The following TRAPPC9 variants were observed in gnomAD, a reference collection of about 807,000 sequenced individuals.
TRAPPC9 encodes the protein IKK2 binding protein.
Under a neutral mutation model 124.0 loss-of-function variants are expected in TRAPPC9, and 83 were observed. The ratio of observed to expected loss-of-function variants is 0.67; its 90% CI spans 0.56 to 0.80. The LOEUF (loss-of-function observed/expected upper bound fraction) is 0.80, where lower values mean the gene tolerates loss of function less well. Among genes scored for constraint, TRAPPC9 ranks in the 30% least tolerant of loss-of-function variants. The pLI is 0.00. For missense variants in TRAPPC9, 1,302 were observed against 1,508.3 expected (o/e 0.86, Z 2.27); for synonymous variants, 638 against 617.5 (o/e 1.03, Z -0.49).
chr8:140,165,526 G>A (rs1165104578), intron 17 of TRAPPC9, among the ~76,000 whole-genome samples: 2 of 146,698 alleles, frequency 1.4e-5, no homozygotes, highest in East Asian at 4.1e-4. Flanking sequence ...GTGACAGAAT[G>A]AGTGTCTGTC....
At chr8:140,115,885 G>A (rs750206588) in intron 17 of TRAPPC9, among the ~76,000 whole-genome samples, 3 of 152,194 alleles carry the variant, frequency 2.0e-5, no homozygotes, top group Non-Finnish European at 2.9e-5. Context: ...GGTGTGATGA[G>A]CGAATGTGAC....
intron 10 of TRAPPC9, among the ~76,000 whole-genome samples, chr8:140,300,864 G>A (rs2065957291): frequency 6.6e-6 from 1 of 152,224 alleles, no homozygotes; most frequent in Admixed American, 6.5e-5. Flanking sequence ...GGGGACTCCT[G>A]AACTGGGCCC....
chr8:140,152,490 A>C (rs1227411220), intron 17 of TRAPPC9, among the ~76,000 whole-genome samples: 1 of 150,436 alleles, frequency 6.6e-6, no homozygotes, highest in East Asian at 1.9e-4. Flanking sequence ...CCTCCCAAGT[A>C]GATGGGACTA....
intron 21 of TRAPPC9, among the ~76,000 whole-genome samples, chr8:139,803,918 C>T (rs955700775): frequency 6.6e-6 from 1 of 152,068 alleles, no homozygotes; most frequent in Non-Finnish European, 1.5e-5. Context: ...GAACTTTCAA[C>T]GGAGTTTACC....
intron 19 of TRAPPC9, among the ~76,000 whole-genome samples, chr8:139,968,172 CAAAATAAAAAAACAA>C (rs1835832042): frequency 6.6e-6 from 1 of 151,316 alleles, no homozygotes; most frequent in African/African-American, 2.4e-5. Flanking sequence ...AAAAACAAAA[CAAAATAAAAAAACAA>C]AAAATAAAAA....
At chr8:140,054,765 C>G (rs763416353) in intron 17 of TRAPPC9, among the ~76,000 whole-genome samples, 12 of 151,764 alleles carry the variant, frequency 7.9e-5, no homozygotes, top group African/African-American at 1.4e-4. Flanking sequence ...GACTATGAAC[C>G]ATTACACAAC....
At chr8:140,243,064 C>G (rs1260455045) in intron 16 of TRAPPC9, among the ~76,000 whole-genome samples, 1 of 152,160 alleles carries the variant, frequency 6.6e-6, no homozygotes, top group Non-Finnish European at 1.5e-5. Flanking sequence ...GCAGAACCCC[C>G]CAGAGAATGG....
At chr8:140,402,695 C>CAAAA (rs879634035) in intron 6 of TRAPPC9, among the ~76,000 whole-genome samples, 2 of 122,392 alleles carry the variant, frequency 1.6e-5, no homozygotes, top group Non-Finnish European at 1.7e-5. Context: ...AACCCTGTCT[C>CAAAA]AAAAAAAAAA....
At chr8:140,298,692 A>C (rs971201343) in intron 11 of TRAPPC9, among the ~76,000 whole-genome samples, 4 of 152,104 alleles carry the variant, frequency 2.6e-5, no homozygotes, top group Non-Finnish European at 5.9e-5. Flanking sequence ...TAATGCTCTT[A>C]TTGTCCCTTC....
At position 139,988,590 on chromosome 8, in the gene TRAPPC9, A is replaced by T. The variant is rs1339481992; in HGVS notation, c.2810+136T>A. On this transcript the variant is annotated intron_variant, in intron 19 of 22. Transcript: ENST00000438773. ...ATTCTCCCACCAAACTTGAATAGTC[A>T]CTACGGTATCTCTGAAAGGGAGACA... The T allele has an allele frequency of 7.4e-6, 5 of 671,844 alleles. No individual in the cohort carries two copies. The Admixed American group carries it at 1.1e-4, about 15-fold the overall frequency. 41.6% of individuals were successfully genotyped at this position (671,844 alleles called of 1,614,324 possible).
intron 17 of TRAPPC9, among the ~76,000 whole-genome samples, chr8:140,050,906 G>GA (rs1841956747): frequency 6.6e-6 from 1 of 152,178 alleles, no homozygotes; most frequent in Non-Finnish European, 1.5e-5. Flanking sequence ...TTTCTCAGCT[G>GA]GGCATCTTGG....
intron 2 of TRAPPC9, among the ~76,000 whole-genome samples, chr8:140,448,435 C>T (rs1205560511): frequency 6.6e-6 from 1 of 152,220 alleles, no homozygotes; most frequent in Non-Finnish European, 1.5e-5. Flanking sequence ...CAGCACACTC[C>T]CGCTCCTCCT....
intron 17 of TRAPPC9, among the ~76,000 whole-genome samples, chr8:140,125,952 A>C (rs2061088375): frequency 6.6e-6 from 1 of 151,974 alleles, no homozygotes; most frequent in Non-Finnish European, 1.5e-5. Context: ...TTTGAAAGTG[A>C]AGAAGTGGTG....
At chr8:140,283,834 G>T in intron 14 of TRAPPC9, 55 bp downstream of exon 14, 1 of 1,606,446 alleles carries the variant, frequency 6.2e-7, no homozygotes, top group Non-Finnish European at 8.5e-7. Flanking sequence ...AAAAAATGTA[G>T]GACCAAAAAT....
intron 19 of TRAPPC9, among the ~76,000 whole-genome samples, chr8:139,959,285 C>T (rs187418440): frequency 1.6e-4 from 25 of 152,356 alleles, no homozygotes; most frequent in Non-Finnish European, 3.2e-4. Context: ...CCAACACCAA[C>T]AGAGGGCTTG....
intron 21 of TRAPPC9, among the ~76,000 whole-genome samples, chr8:139,785,931 G>T (rs2130561717): frequency 6.6e-6 from 1 of 152,042 alleles, no homozygotes; most frequent in East Asian, 1.9e-4. Flanking sequence ...CTCAAGGCCA[G>T]GTGCAGTGGT....
At chr8:140,352,817 T>C (rs2067626558) in intron 9 of TRAPPC9, among the ~76,000 whole-genome samples, 1 of 152,078 alleles carries the variant, frequency 6.6e-6, no homozygotes, top group African/African-American at 2.4e-5. Flanking sequence ...CCCTTTGGGG[T>C]GATTCTGCTG....
chr8:140,338,017 C>T (rs1429553892), intron 9 of TRAPPC9, among the ~76,000 whole-genome samples: 1 of 152,076 alleles, frequency 6.6e-6, no homozygotes, highest in Non-Finnish European at 1.5e-5. Context: ...AGAGGGCCTC[C>T]GTATTTTATT....
At chr8:140,107,602 G>A (rs1048699708) in intron 17 of TRAPPC9, among the ~76,000 whole-genome samples, 4 of 152,232 alleles carry the variant, frequency 2.6e-5, no homozygotes, top group African/African-American at 9.6e-5. Flanking sequence ...AGTGACACCT[G>A]AGAATGGAGG....
Sources: gnomAD v4.1 joint callset for allele counts (sites outside exome capture counted in the v4.1 genomes callset) on GRCh38, gnomAD v4.1.1 for gene constraint, MANE v1.5 for transcripts, NCBI Gene and HGNC (gene_info 2026-07-23, HGNC 2026-07-21) for gene names.